Variants in RICTOR observed in about 807,000 individuals in gnomAD.
RICTOR encodes the protein rapamycin-insensitive companion of mTOR.
A neutral mutation model predicts 214.9 loss-of-function variants in RICTOR; 49 were observed. That is an observed-to-expected ratio of 0.23 (90% CI 0.18 to 0.29). The LOEUF is 0.29. Ranked by LOEUF, RICTOR falls within the 10% of genes least tolerant of loss-of-function variation. The pLI is 1.00. For synonymous variants in RICTOR, 717 were observed against 711.3 expected (o/e 1.01, Z -0.13); for missense variants, 1,625 against 2,047.0 (o/e 0.79, Z 3.98).
At position 39,020,894 on chromosome 5, in the gene RICTOR, A is replaced by C. The variant is rs925344184; in HGVS notation, c.195+145T>G. On this transcript the variant is annotated intron_variant, in intron 3 of 37. Coordinates refer to ENST00000357387, the MANE Select transcript of RICTOR (RefSeq NM_152756.5). ...CAAATACATTTTTAAGATACACTGG[A>C]CAAAATCCATGAGAAGCAGGAAAGA... 5.5e-5 allele frequency: 33 copies of C among 603,614 alleles called. No individual in the cohort carries two copies. In the African/African-American group the frequency reaches 5.6e-4, roughly 10 times the overall value. 37.4% of individuals were successfully genotyped at this position (603,614 alleles called of 1,614,324 possible). A position where few individuals can be genotyped will look rare whatever the true frequency, so the allele number is the denominator to read the frequency against.
rs1298272109 is a variant in RICTOR at position 38,960,551 on chromosome 5, G to A, written c.1716-18C>T. 2 of 1,607,778 alleles carry A rather than the reference G, an allele frequency of 1.2e-6. No homozygotes were observed. The highest frequency in any genetic ancestry group is 2.7e-5 in the African/African-American group (2 of 74,608). On this transcript the variant is annotated intron_variant, in intron 19 of 37. Transcript: ENST00000357387. ...GTACAAACCTAAAATCAAAACACAA[G>A]TAGCAAAAAGGTAAGAAATGAAGCA...
At chr5:39,035,174 T>A (rs1756581035) in intron 2 of RICTOR, among the ~76,000 whole-genome samples, 1 of 152,210 alleles carries the variant, frequency 6.6e-6, no homozygotes, top group South Asian at 2.1e-4. Flanking sequence ...CAATATCCAC[T>A]GTTCTGCAGC....
At position 38,978,656 on chromosome 5, in the gene RICTOR, TA is replaced by T. The variant is rs749328695; in HGVS notation, c.754-7del. On this transcript the variant is annotated splice_polypyrimidine_tract_variant and splice_region_variant and intron_variant, in intron 8 of 37. Coordinates refer to ENST00000357387, the MANE Select transcript of RICTOR (RefSeq NM_152756.5). ...GTATAGGGTGCTAAAATTCTCTATT[TA>T]AAAAAAAAAAGGAAGAAAAGAGTCT... The T allele has an allele frequency of 0.05, 50,850 of 1,025,414 alleles. No homozygotes were observed. The highest frequency in any genetic ancestry group is 0.081 in the South Asian group (4,222 of 52,382). 63.5% of individuals were successfully genotyped at this position (1,025,414 alleles called of 1,614,324 possible). A position where few individuals can be genotyped will look rare whatever the true frequency, so the allele number is the denominator to read the frequency against.
chr5:38,953,579 G>A (rs746399112), intron 27 of RICTOR, 26 bp from the exon 28 acceptor site: 1 of 730,838 alleles, frequency 1.4e-6, no homozygotes, highest in South Asian at 2.6e-5. Flanking sequence ...AAAATACCAT[G>A]AGTAATAATA....
chr5:38,975,544 T>C lies in RICTOR; in HGVS notation c.882A>G (p.Ser294=), dbSNP rs1280649749. ...CAATGTAGAGTAACCTACCTGCCCA[T>C]GATCGGAATGTTGCTATGATTCCCA... ...SKMGIIATFR[S]WAGIINLCKP... is the part of the protein sequence containing the mutation. The change falls in exon 10 of 38, where the codon TCA becomes TCG. Residue 294 remains serine (S), a synonymous_variant. Coordinates refer to ENST00000357387, the MANE Select transcript of RICTOR (RefSeq NM_152756.5). 1 of 1,611,960 alleles carries C rather than the reference T, an allele frequency of 6.2e-7. No homozygotes were observed. The highest frequency in any genetic ancestry group is 8.5e-7 in the Non-Finnish European group (1 of 1,178,080).
chr5:39,027,040 A>T (rs1755885013), intron 2 of RICTOR, among the ~76,000 whole-genome samples: 2 of 152,128 alleles, frequency 1.3e-5, no homozygotes, highest in Non-Finnish European at 2.9e-5. Context: ...TTACTCTCAC[A>T]TACTAATTAC....
intron 2 of RICTOR, among the ~76,000 whole-genome samples, chr5:39,053,974 C>T (rs1257244699): frequency 1.3e-5 from 2 of 151,322 alleles, no homozygotes; most frequent in East Asian, 1.9e-4. Flanking sequence ...CCCAGCTACT[C>T]GGAAGGCTGA....
At chr5:38,993,282 A>G (rs1323850585) in intron 6 of RICTOR, among the ~76,000 whole-genome samples, 1 of 152,192 alleles carries the variant, frequency 6.6e-6, no homozygotes, top group African/African-American at 2.4e-5. Context: ...AAGTTTGTGG[A>G]ATTCCTTATT....
intron 3 of RICTOR, among the ~76,000 whole-genome samples, chr5:39,004,584 C>T (rs1372799231): frequency 2.0e-5 from 3 of 151,950 alleles, no homozygotes; most frequent in East Asian, 3.9e-4. Context: ...CTCAGCCCTC[C>T]GAGTAGCTGG....
chr5:39,053,811 G>A (rs981303081), intron 2 of RICTOR, among the ~76,000 whole-genome samples: 1 of 147,132 alleles, frequency 6.8e-6, no homozygotes, highest in African/African-American at 2.6e-5. Flanking sequence ...AGAATGGCGT[G>A]AACCCCAGGG....
chr5:38,970,909 G>C (rs1269162235), intron 11 of RICTOR: 2 of 152,304 alleles, frequency 1.3e-5, no homozygotes, highest in South Asian at 4.1e-4. Context: ...GTTAAACGTA[G>C]TCTGTAGTGC....
intron 3 of RICTOR, among the ~76,000 whole-genome samples, chr5:39,003,974 A>T (rs1228328031): frequency 1.3e-5 from 2 of 152,154 alleles, no homozygotes; most frequent in African/African-American, 4.8e-5. Context: ...ATCACTTCAC[A>T]ATGTCCTCAA....
intron 27 of RICTOR, among the ~76,000 whole-genome samples, chr5:38,953,888 C>T (rs1344233798): frequency 6.6e-6 from 1 of 151,722 alleles, no homozygotes; most frequent in Non-Finnish European, 1.5e-5. Context: ...TACCAAAGTA[C>T]TTGGCACTTA....
chr5:39,002,342 T>C (rs1049070404), intron 5 of RICTOR, among the ~76,000 whole-genome samples, 193 bp downstream of exon 5: 20 of 151,796 alleles, frequency 1.3e-4, no homozygotes, highest in African/African-American at 4.6e-4. Context: ...TAACAGAGCT[T>C]TACTGGGATG....
intron 2 of RICTOR, among the ~76,000 whole-genome samples, chr5:39,050,618 G>A (rs1757773428): frequency 6.6e-6 from 1 of 151,828 alleles, no homozygotes; most frequent in Non-Finnish European, 1.5e-5. Flanking sequence ...TTACAGGAGT[G>A]AGCCACCACG....
intron 2 of RICTOR, among the ~76,000 whole-genome samples, chr5:39,056,459 C>T (rs533602570): frequency 6.6e-6 from 1 of 152,148 alleles, no homozygotes; most frequent in African/African-American, 2.4e-5. Flanking sequence ...CGTGGCAGAA[C>T]CCTGTCTCTA....
At position 38,950,393 on chromosome 5, in the gene RICTOR, G is replaced by A. The variant is rs1748644152; in HGVS notation, c.3455C>T (p.Thr1152Ile). The A allele has an allele frequency of 6.2e-7, 1 of 1,612,990 alleles. No homozygotes were observed. The highest frequency in any genetic ancestry group is 1.7e-5 in the Admixed American group (1 of 59,908). ...NHSDDFTPIS[T>I]VQKTLQLETS... is the part of the protein sequence containing the mutation. ...CTCTAATTGTAATGTTTTCTGTACAGTGGATATGGGTGTAAAATCATCACT... is the reference window on the plus strand; with the variant it reads ...CTCTAATTGTAATGTTTTCTGTACAATGGATATGGGTGTAAAATCATCACT... Residue 1152 changes from threonine (T) to isoleucine (I), a missense_variant, in exon 31 of 38, where the codon ACT becomes ATT. Around this residue, in one of 5 missense-constraint regions of RICTOR, gnomAD observed 1,214 missense variants for 1,470.5 expected, o/e 0.83. Coordinates refer to ENST00000357387, the MANE Select transcript of RICTOR (RefSeq NM_152756.5).
At chr5:38,993,162 A>G (rs1752912440) in intron 6 of RICTOR, among the ~76,000 whole-genome samples, 1 of 152,222 alleles carries the variant, frequency 6.6e-6, no homozygotes, top group South Asian at 2.1e-4. Context: ...TCATGGGCCA[A>G]TGTAGGTTTG....
intron 2 of RICTOR, among the ~76,000 whole-genome samples, chr5:39,052,763 G>A (rs1757939920): frequency 6.6e-6 from 1 of 152,148 alleles, no homozygotes; most frequent in African/African-American, 2.4e-5. Context: ...CGTACCTAGA[G>A]AGCCTCCTTC....
Sources: allele counts gnomAD v4.1 joint callset (sites outside exome capture counted in the v4.1 genomes callset), GRCh38; gene constraint gnomAD v4.1.1; regional missense constraint gnomAD v4.1.1; transcripts MANE v1.5; gene names NCBI Gene and HGNC (gene_info 2026-07-23, HGNC 2026-07-21).